SNX29: variants seen among roughly 807,000 people sequenced by gnomAD.
The protein encoded by SNX29 is sorting nexin 29.
SNX29 carries 78 observed loss-of-function variants against 102.1 expected under a neutral mutation model. The ratio of observed to expected loss-of-function variants is 0.76; its 90% CI spans 0.64 to 0.92. SNX29 has a LOEUF of 0.92. Ranked by LOEUF, SNX29 falls within the 40% of genes least tolerant of loss-of-function variation. The pLI, the probability that SNX29 is intolerant of heterozygous loss-of-function variation, is 0.00. For missense variants in SNX29, 1,280 were observed against 1,061.7 expected (o/e 1.21, Z -2.86); for synonymous variants, 580 against 414.5 (o/e 1.40, Z -4.85).
rs1555545971 is a variant in SNX29 at position 12,467,636 on chromosome 16, G to GTTCATTCATTCATTCATTCCATTCACTCA, written c.2038-10067_2038-10039dup. Among the ~76,000 whole-genome samples the GTTCATTCATTCATTCATTCCATTCACTCA allele has an allele frequency of 1.8e-3, 232 of 128,580 alleles. 1 individual carries two copies. Among genetic ancestry groups the GTTCATTCATTCATTCATTCCATTCACTCA allele is most frequent in the Non-Finnish European group, 2.7e-3 (171 of 64,144 alleles). The allele number at this position is 128,580 out of a possible 152,430, so 84.4% of individuals were successfully genotyped here. On this transcript the variant is annotated intron_variant, in intron 18 of 20. Transcript: ENST00000566228. ...TGTTCGTTCGTTAGTTCGTTCGTTC[G>GTTCATTCATTCATTCATTCCATTCACTCA]TTCATTCATTCATTCATTCCATTCA...
At chr16:12,286,903 C>G (rs1318312568) in intron 15 of SNX29, among the ~76,000 whole-genome samples, 4 of 152,046 alleles carry the variant, frequency 2.6e-5, no homozygotes, top group Non-Finnish European at 5.9e-5. Flanking sequence ...TTTAAAAACC[C>G]CACATTACTG....
At chr16:12,463,885 C>T (rs1006698402) in intron 18 of SNX29, among the ~76,000 whole-genome samples, 1 of 146,706 alleles carries the variant, frequency 6.8e-6, no homozygotes, top group African/African-American at 2.5e-5. Context: ...GCTTTCTCAT[C>T]ACATTTTGAG....
chr16:12,555,946 A>G (rs568568089), intron 20 of SNX29, among the ~76,000 whole-genome samples: 1 of 151,842 alleles, frequency 6.6e-6, no homozygotes, highest in Non-Finnish European at 1.5e-5. Flanking sequence ...TTTACATCAC[A>G]CCAACTTGTA....
At chr16:12,087,212 T>C (rs539192087) in intron 11 of SNX29, 2 of 154,260 alleles carry the variant, frequency 1.3e-5, no homozygotes, top group Admixed American at 6.3e-5. Context: ...CTGGCCAACA[T>C]AGTGAAACCC....
At chr16:11,997,850 A>T (rs898538937) in intron 1 of SNX29, among the ~76,000 whole-genome samples, 1 of 152,186 alleles carries the variant, frequency 6.6e-6, no homozygotes, top group East Asian at 1.9e-4. Flanking sequence ...CTCAGCTCTT[A>T]AAACATTGCC....
chr16:12,535,393 C>T (rs754166213), intron 20 of SNX29, among the ~76,000 whole-genome samples: 1 of 152,236 alleles, frequency 6.6e-6, no homozygotes, highest in Non-Finnish European at 1.5e-5. Flanking sequence ...ATCTCGGCCT[C>T]CCAAAGTGCT....
chr16:12,539,651 C>T (rs768017903), intron 20 of SNX29, among the ~76,000 whole-genome samples: 6 of 152,164 alleles, frequency 3.9e-5, no homozygotes, highest in Non-Finnish European at 8.8e-5. Flanking sequence ...ACTGCATTCC[C>T]ACAGCGTATG....
chr16:12,533,551 ACTTT>A (rs2076987977), intron 20 of SNX29, among the ~76,000 whole-genome samples: 1 of 152,012 alleles, frequency 6.6e-6, no homozygotes, highest in Admixed American at 6.6e-5. Context: ...CTCATTTCTT[ACTTT>A]CTTAGCCTCG....
At chr16:12,256,736 A>G (rs1002761718) in intron 14 of SNX29, among the ~76,000 whole-genome samples, 4 of 152,118 alleles carry the variant, frequency 2.6e-5, no homozygotes, top group African/African-American at 7.2e-5. Context: ...GGGGAACAAG[A>G]CAGAGTTCCT....
intron 15 of SNX29, among the ~76,000 whole-genome samples, chr16:12,341,761 GGCC>G (rs2081616850): frequency 6.6e-6 from 1 of 152,164 alleles, no homozygotes; most frequent in Non-Finnish European, 1.5e-5. Context: ...GGAACTCGTT[GGCC>G]CTAAGTCAGA....
chr16:12,037,978 CAAAA>C (rs1276646725), intron 4 of SNX29, among the ~76,000 whole-genome samples: 78 of 150,486 alleles, frequency 5.2e-4, no homozygotes, highest in African/African-American at 1.7e-3. Context: ...AAAAACAAAA[CAAAA>C]CAAAACAAAA....
rs1487960704 is a variant in SNX29 at position 12,570,055 on chromosome 16, C to G, written c.*1426C>G. On this transcript the variant is annotated 3_prime_UTR_variant, in exon 21 of 21. Coordinates refer to ENST00000566228, the MANE Select transcript of SNX29 (RefSeq NM_032167.5). Reference sequence around the variant, plus strand: ...GAGCATCTCCTAGGCTCGAGGACATCTCTGGAGAATCATCTGGAAGGTTTA... The same window carrying G: ...GAGCATCTCCTAGGCTCGAGGACATGTCTGGAGAATCATCTGGAAGGTTTA... 1.2e-5 allele frequency: 7 copies of G among 572,384 alleles called. No homozygotes were observed. Among genetic ancestry groups the G allele is most frequent in the Non-Finnish European group, 1.6e-5 (7 of 429,370 alleles). The allele number at this position is 572,384 out of a possible 1,614,324, so 35.5% of individuals were successfully genotyped here.
chr16:12,005,665 G>A (rs907034530), intron 3 of SNX29, among the ~76,000 whole-genome samples: 4 of 152,074 alleles, frequency 2.6e-5, no homozygotes, highest in African/African-American at 9.7e-5. Flanking sequence ...CTGAATGTTG[G>A]GTTAATGTAT....
At chr16:12,364,604 T>C (rs960692250) in intron 16 of SNX29, among the ~76,000 whole-genome samples, 3 of 152,166 alleles carry the variant, frequency 2.0e-5, no homozygotes, top group African/African-American at 4.8e-5. Flanking sequence ...CTGCAAGTTA[T>C]AGAGGTCAAT....
intron 4 of SNX29, among the ~76,000 whole-genome samples, chr16:12,030,853 G>A (rs985751954): frequency 2.6e-5 from 4 of 152,062 alleles, no homozygotes; most frequent in African/African-American, 7.2e-5. Context: ...GACAGGCAGC[G>A]GCAGGTCTGA....
intron 10 of SNX29, among the ~76,000 whole-genome samples, chr16:12,074,332 G>A (rs1433232515): frequency 6.6e-6 from 1 of 151,906 alleles, no homozygotes; most frequent in South Asian, 2.1e-4. Flanking sequence ...CATGTTTAGT[G>A]CCTCCTTCAG....
chr16:12,417,194 C>T (rs573645671), intron 18 of SNX29, among the ~76,000 whole-genome samples: 1 of 152,222 alleles, frequency 6.6e-6, no homozygotes, highest in Non-Finnish European at 1.5e-5. Flanking sequence ...ATGAAACTTG[C>T]ATTTCCCTCA....
chr16:12,378,473 A>AACC (rs2082956622), intron 16 of SNX29, among the ~76,000 whole-genome samples: 1 of 152,174 alleles, frequency 6.6e-6, no homozygotes. Context: ...AATATGGTGA[A>AACC]CCTTGTTTCT....
chr16:12,003,166 C>G, intron 3 of SNX29, 123 bp downstream of exon 3: 1 of 1,171,810 alleles, frequency 8.5e-7, no homozygotes, highest in Non-Finnish European at 1.3e-6. Flanking sequence ...GGCTTCTGGG[C>G]TCTGCCTCTG....
Sources: allele counts gnomAD v4.1 joint callset (sites outside exome capture counted in the v4.1 genomes callset), GRCh38; gene constraint gnomAD v4.1.1; transcripts MANE v1.5; gene names NCBI Gene and HGNC (gene_info 2026-07-23, HGNC 2026-07-21).